Variants in CHD2 observed in about 807,000 individuals in gnomAD.
CHD2 encodes chromodomain helicase DNA binding protein 2, also known as ATP-dependent chromatin remodeler CHD2.
Under a neutral mutation model 243.9 loss-of-function variants are expected in CHD2, and 28 were observed. That is an observed-to-expected ratio of 0.11 (90% CI 0.09 to 0.16). CHD2 has a LOEUF of 0.16. Ranked by LOEUF, CHD2 falls within the 10% of genes least tolerant of loss-of-function variation. The pLI is 1.00. For synonymous variants in CHD2, 775 were observed against 779.0 expected (o/e 0.99, Z 0.09); for missense variants, 1,386 against 2,209.8 (o/e 0.63, Z 7.47).
At chr15:93,005,940 A>G (rs2054314713) in intron 34 of CHD2, among the ~76,000 whole-genome samples, 2 of 152,216 alleles carry the variant, frequency 1.3e-5, no homozygotes, top group Admixed American at 1.3e-4. Context: ...CAAATGACTC[A>G]TTTAATCTTG....
At chr15:92,931,923 C>T (rs113303544) in intron 5 of CHD2, among the ~76,000 whole-genome samples, 5 of 144,514 alleles carry the variant, frequency 3.5e-5, no homozygotes, top group East Asian at 4.1e-4. Context: ...GGTACAGTGG[C>T]GCAATCTCGG....
chr15:92,998,372 C>T lies in CHD2; in HGVS notation c.3886-127C>T. 1 of 1,450,130 alleles carries T rather than the reference C, an allele frequency of 6.9e-7. No individual in the cohort carries two copies. The highest frequency in any genetic ancestry group is 9.3e-7 in the Non-Finnish European group (1 of 1,073,346). The allele number at this position is 1,450,130 out of a possible 1,614,324, so 89.8% of individuals were successfully genotyped here. A position where few individuals can be genotyped will look rare whatever the true frequency, so the allele number is the denominator to read the frequency against. On this transcript the variant is annotated intron_variant, in intron 30 of 38. Coordinates refer to ENST00000394196, the MANE Select transcript of CHD2 (RefSeq NM_001271.4). The surrounding 1 kb of genome is among the most constrained non-coding windows in gnomAD (Gnocchi z 5.1). ...CATGGACATGAGATAGGATCTGAGG[C>T]TTTATCTATATTTTGGGTGGTTGGG... is the stretch of plus-strand genomic sequence containing the variant.
intron 2 of CHD2, chr15:92,901,507 TAAG>T (rs2141697449): frequency 1.7e-6 from 1 of 595,694 alleles, no homozygotes; most frequent in East Asian, 2.8e-5. Flanking sequence ...AGTTGTGACT[TAAG>T]GCCTCTTACA....
intron 10 of CHD2, 122 bp from the exon 11 acceptor site, chr15:92,945,699 T>C: frequency 1.7e-6 from 1 of 590,814 alleles, no homozygotes; most frequent in South Asian, 3.2e-5. Context: ...TAATCCCATT[T>C]TTTTTTTTTC....
chr15:92,943,288 G>T (rs191236613), intron 9 of CHD2: 3 of 525,692 alleles, frequency 5.7e-6, no homozygotes, highest in Non-Finnish European at 6.8e-6. Context: ...AGCTTATGGA[G>T]CGTTATTCAC....
chr15:92,908,979 C>T (rs751317504), intron 2 of CHD2, among the ~76,000 whole-genome samples: 3 of 151,972 alleles, frequency 2.0e-5, no homozygotes, highest in Non-Finnish European at 4.4e-5. Context: ...ATTAGCTGGA[C>T]ATGATGGTGG....
intron 4 of CHD2, among the ~76,000 whole-genome samples, chr15:92,928,220 C>CTT (rs1460067321): frequency 6.6e-6 from 1 of 152,194 alleles, no homozygotes; most frequent in Non-Finnish European, 1.5e-5. Context: ...TGAGTGACCT[C>CTT]TGAGCTGTTT....
At chr15:93,011,073 C>T (rs565175520) in intron 35 of CHD2, among the ~76,000 whole-genome samples, 75 of 146,028 alleles carry the variant, frequency 5.1e-4, no homozygotes, top group South Asian at 1.1e-3. Context: ...GGCATCTGGC[C>T]TTTTTTTTTT....
chr15:92,994,400 A>G (rs569787329), intron 28 of CHD2, among the ~76,000 whole-genome samples: 1 of 151,796 alleles, frequency 6.6e-6, no homozygotes, highest in East Asian at 1.9e-4. Flanking sequence ...TTAATAATAA[A>G]AAATTATTTT....
intron 2 of CHD2, among the ~76,000 whole-genome samples, chr15:92,916,012 C>A (rs2052827471): frequency 1.5e-5 from 1 of 67,366 alleles, no homozygotes; most frequent in Non-Finnish European, 3.2e-5. Context: ...TATGCCTCTA[C>A]TCTCTTCTCA....
chr15:92,950,752 T>TAAAA (rs34816854), intron 13 of CHD2, among the ~76,000 whole-genome samples: 1 of 142,428 alleles, frequency 7.0e-6, no homozygotes, highest in African/African-American at 2.6e-5. Context: ...AACTTCACCT[T>TAAAA]AAAAAAAAAA....
rs760265722 is a variant in CHD2 at position 92,997,440 on chromosome 15, T to C, written c.3885+37T>C. 1 of 1,504,894 alleles carries C rather than the reference T, an allele frequency of 6.6e-7. No homozygotes were observed. The highest frequency in any genetic ancestry group is 8.9e-7 in the Non-Finnish European group (1 of 1,127,440). 93.2% of individuals were successfully genotyped at this position (1,504,894 alleles called of 1,614,324 possible). Reference sequence around the variant, plus strand: ...TACCATGCTAGAGATTTCTAGAAGATTTGTTGTGTAATATTTTTATATCGA... The same window carrying C: ...TACCATGCTAGAGATTTCTAGAAGACTTGTTGTGTAATATTTTTATATCGA... On this transcript the variant is annotated intron_variant, in intron 30 of 38. Coordinates refer to ENST00000394196, the MANE Select transcript of CHD2 (RefSeq NM_001271.4). This position sits in a 1 kb window ranked among gnomAD's most constrained non-coding sequence, Gnocchi z 4.1.
rs775686981 is a variant in CHD2, at chr15:93,024,959, C to G, written c.*254C>G. Reference sequence around the variant, plus strand: ...TTCTGGCCTCCCACTTTGACGGGCACTTGGAGGAGGAGCTGACTGTGTGTG... The same window carrying G: ...TTCTGGCCTCCCACTTTGACGGGCAGTTGGAGGAGGAGCTGACTGTGTGTG... On this transcript the variant is annotated 3_prime_UTR_variant, in exon 39 of 39. Transcript: ENST00000394196. 3 of 457,982 alleles carry G rather than the reference C, an allele frequency of 6.6e-6. No homozygotes were observed. Among genetic ancestry groups the G allele is most frequent in the Non-Finnish European group, 1.2e-5 (3 of 257,976 alleles). 28.4% of individuals were successfully genotyped at this position (457,982 alleles called of 1,614,324 possible).
rs1238475330 is a variant in CHD2 at position 93,024,852 on chromosome 15, G to T, written c.*147G>T. ...TCACTGGCTGAAGGAGCACTTCAAGGAATGGGAGGCCTTTCACTGGGTCCA... is the reference window on the plus strand; with the variant it reads ...TCACTGGCTGAAGGAGCACTTCAAGTAATGGGAGGCCTTTCACTGGGTCCA... On this transcript the variant is annotated 3_prime_UTR_variant, in exon 39 of 39. Transcript: ENST00000394196. 1.4e-5 allele frequency: 10 copies of T among 694,052 alleles called. No individual in the cohort carries two copies. The East Asian group carries it at 2.2e-4, about 15-fold the overall frequency. 43.0% of individuals were successfully genotyped at this position (694,052 alleles called of 1,614,324 possible). A position where few individuals can be genotyped will look rare whatever the true frequency, so the allele number is the denominator to read the frequency against.
intron 3 of CHD2, 142 bp from the exon 4 acceptor site, chr15:92,927,102 G>T (rs913114946): frequency 1.6e-6 from 1 of 609,162 alleles, no homozygotes; most frequent in South Asian, 2.2e-5. Context: ...AAAAAATGGC[G>T]CTTTATTGTC....
chr15:92,914,891 T>C (rs2052805565), intron 2 of CHD2: 2 of 152,248 alleles, frequency 1.3e-5, no homozygotes, highest in South Asian at 4.1e-4. Context: ...AAATGTGGGT[T>C]AACATCAGGT....
intron 28 of CHD2, among the ~76,000 whole-genome samples, chr15:92,996,553 T>G (rs1368639055): frequency 6.6e-6 from 1 of 152,154 alleles, no homozygotes; most frequent in East Asian, 1.9e-4. Flanking sequence ...AATAGTGTTG[T>G]GAAGATCAAG....
intron 5 of CHD2, among the ~76,000 whole-genome samples, chr15:92,935,015 G>C (rs1446493179): frequency 6.8e-6 from 1 of 146,694 alleles, no homozygotes; most frequent in African/African-American, 2.5e-5. Context: ...GATTTGCTAA[G>C]TTTTTTTTTT....
intron 28 of CHD2, among the ~76,000 whole-genome samples, chr15:92,994,359 T>C (rs1481522126): frequency 6.6e-6 from 1 of 152,130 alleles, no homozygotes; most frequent in Non-Finnish European, 1.5e-5. Context: ...GTATTTGTGC[T>C]TTGAAATTTT....
Sources: allele counts gnomAD v4.1 joint callset (sites outside exome capture counted in the v4.1 genomes callset), GRCh38; gene constraint gnomAD v4.1.1; non-coding constraint Gnocchi (gnomAD v3.1); transcripts MANE v1.5; gene names NCBI Gene and HGNC (gene_info 2026-07-23, HGNC 2026-07-21).